Variants in AMPD3 observed in about 807,000 individuals in gnomAD.
The protein encoded by AMPD3 is AMP deaminase 3.
A neutral mutation model predicts 82.3 loss-of-function variants in AMPD3; 57 were observed. The ratio of observed to expected loss-of-function variants is 0.69; its 90% CI spans 0.56 to 0.86. The LOEUF is 0.86. AMPD3 is among the 40% of genes least tolerant of loss of function. AMPD3 has a pLI of 0.00. For synonymous variants in AMPD3, 381 were observed against 394.7 expected (o/e 0.97, Z 0.41); for missense variants, 870 against 1,003.8 (o/e 0.87, Z 1.80).
intron 1 of AMPD3, among the ~76,000 whole-genome samples, chr11:10,457,087 C>T (rs1848117995): frequency 6.6e-6 from 1 of 150,944 alleles, no homozygotes; most frequent in African/African-American, 2.4e-5. Context: ...GAGCAATTCT[C>T]CCAACTCAGC....
intron 1 of AMPD3, chr11:10,461,238 A>G: frequency 8.3e-6 from 11 of 1,321,814 alleles, no homozygotes; most frequent in Non-Finnish European, 1.1e-5. Flanking sequence ...AGATTCCCTG[A>G]GTTTGGGAAA....
At chr11:10,492,708 C>A (rs554866751) in intron 6 of AMPD3, among the ~76,000 whole-genome samples, 54 of 152,298 alleles carry the variant, frequency 3.5e-4, no homozygotes, top group African/African-American at 1.3e-3. Flanking sequence ...CGTAGACACA[C>A]AAACGTTAGA....
intron 1 of AMPD3, chr11:10,461,124 C>A: frequency 1.7e-6 from 2 of 1,193,208 alleles, no homozygotes; most frequent in South Asian, 1.6e-5. Context: ...ATTGTTGCAG[C>A]TATAACAGTA....
At chr11:10,464,498 C>T (rs189531347) in intron 2 of AMPD3, among the ~76,000 whole-genome samples, 29 of 152,298 alleles carry the variant, frequency 1.9e-4, no homozygotes, top group Admixed American at 1.6e-3. Flanking sequence ...CTTCGGTTCC[C>T]TGGTCTGTAG....
chr11:10,499,028 G>C (rs16907917), intron 10 of AMPD3, among the ~76,000 whole-genome samples: 14,817 of 133,426 alleles, frequency 0.11, 857 homozygotes, highest in South Asian at 0.28. Flanking sequence ...CCATCTCAGA[G>C]GGCAGCTCCC....
At chr11:10,462,824 G>A (rs78871708) in intron 2 of AMPD3, among the ~76,000 whole-genome samples, 2,404 of 152,310 alleles carry the variant, frequency 0.016, 71 homozygotes, top group African/African-American at 0.051. Flanking sequence ...ATGCTTCAGG[G>A]TATAAAGAAG....
At chr11:10,502,057 T>C in intron 12 of AMPD3, 1 of 985,426 alleles carries the variant, frequency 1.0e-6, no homozygotes, top group South Asian at 4.7e-5. Flanking sequence ...CAGTCCACAC[T>C]AGTTGGGCAC....
intron 2 of AMPD3, among the ~76,000 whole-genome samples, chr11:10,464,389 G>A (rs1395754397): frequency 1.3e-5 from 2 of 152,208 alleles, no homozygotes; most frequent in African/African-American, 4.8e-5. Flanking sequence ...AAGACACATA[G>A]TGAGTAAATG....
At chr11:10,491,027 G>T (rs1011731539) in intron 6 of AMPD3, among the ~76,000 whole-genome samples, 5 of 152,222 alleles carry the variant, frequency 3.3e-5, no homozygotes, top group African/African-American at 1.2e-4. Flanking sequence ...TGCTCACAGA[G>T]GTCCAGTGGA....
At chr11:10,477,952 T>A (rs1041574702) in intron 2 of AMPD3, 1 of 985,470 alleles carries the variant, frequency 1.0e-6, no homozygotes, top group East Asian at 1.1e-4. Flanking sequence ...TCCTGAGCAC[T>A]GTCTCGACTC....
chr11:10,482,636 C>T (rs1384604187), intron 4 of AMPD3, among the ~76,000 whole-genome samples: 1 of 152,002 alleles, frequency 6.6e-6, no homozygotes, highest in Non-Finnish European at 1.5e-5. Context: ...CTCAGCCTCT[C>T]AAGTAGCTGG....
At chr11:10,467,494 G>C (rs1848454763) in intron 2 of AMPD3, among the ~76,000 whole-genome samples, 1 of 152,098 alleles carries the variant, frequency 6.6e-6, no homozygotes, top group African/African-American at 2.4e-5. Context: ...AATGAACAAA[G>C]CCTCCAAGAA....
At position 10,487,284 on chromosome 11, in the gene AMPD3, C is replaced by T. The variant is rs749008541; in HGVS notation, c.859C>T (p.Leu287Phe). Reference sequence around the variant, plus strand: ...GAACTTTCTGGAATCCAAGTTCAGCCTTCATGAGATGTTAAACGAAATGTC... The same window carrying T: ...GAACTTTCTGGAATCCAAGTTCAGCTTTCATGAGATGTTAAACGAAATGTC... ...RLNFLESKFS[L>F]HEMLNEMSEF... Residue 287 changes from leucine (L) to phenylalanine (F), a missense_variant, in exon 6 of 15, where the codon CTT (leucine) becomes TTT (phenylalanine). Physicochemically the swap from Leu to Phe is conservative, Grantham distance 22. Transcript: ENST00000396553. 3 of 1,614,178 alleles carry T rather than the reference C, an allele frequency of 1.9e-6. No homozygotes were observed. Among genetic ancestry groups the T allele is most frequent in the Non-Finnish European group, 2.5e-6 (3 of 1,180,038 alleles).
At chr11:10,505,243 TG>T (rs1343844237) in intron 14 of AMPD3, 44 of 985,270 alleles carry the variant, frequency 4.5e-5, no homozygotes, top group Non-Finnish European at 5.3e-5. Context: ...TGTCACTGGT[TG>T]GGAAGAGGTT....
intron 1 of AMPD3, among the ~76,000 whole-genome samples, chr11:10,457,239 A>T (rs561740382): frequency 2.3e-4 from 35 of 151,790 alleles, no homozygotes; most frequent in African/African-American, 8.0e-4. Flanking sequence ...CAGCCTCCCA[A>T]ATTGCTTGGA....
At chr11:10,488,863 G>A (rs1849157789) in intron 6 of AMPD3, among the ~76,000 whole-genome samples, 2 of 152,132 alleles carry the variant, frequency 1.3e-5, no homozygotes, top group African/African-American at 4.8e-5. Context: ...GCTCCTCTGG[G>A]AAAGCCCAGC....
chr11:10,497,481 C>T (rs1446673873), intron 10 of AMPD3: 1 of 764,304 alleles, frequency 1.3e-6, no homozygotes. Flanking sequence ...GGGAGCCGGT[C>T]CCACCCTCCG....
At position 10,493,475 on chromosome 11, in the gene AMPD3, C is replaced by T. The variant is rs149809940; in HGVS notation, c.1066C>T (p.Arg356Trp). The change falls in exon 7 of 15, where the codon CGG (arginine) becomes TGG (tryptophan). Residue 356 changes from arginine (R) to tryptophan (W), a missense_variant. Transcript: ENST00000396553. The part of the protein sequence containing the change: ...AEKRGRKITL[R>W]QVFDGLHMDP... The stretch of plus-strand genomic sequence containing the variant: ...GAAGCGGGGCCGGAAGATCACCCTG[C>T]GGCAGGTGTTTGACGGCCTGCACAT... The T allele has an allele frequency of 1.8e-4, 292 of 1,614,182 alleles. No individual in the cohort carries two copies. Among genetic ancestry groups the T allele is most frequent in the Middle Eastern group, 6.6e-4 (4 of 6,062 alleles).
At position 10,487,137 on chromosome 11, in the gene AMPD3, C is replaced by T. The variant is rs775741173; in HGVS notation, c.810-98C>T. On this transcript the variant is annotated intron_variant, in intron 5 of 14. Coordinates refer to ENST00000396553, the MANE Select transcript of AMPD3 (RefSeq NM_001025389.2). ...TCATTCCGCCCTGCTCCGTCCTGAC[C>T]CTTCCAGCCAGGGTTGGCCCCTGCA... 4.3e-5 allele frequency: 69 copies of T among 1,595,648 alleles called. No homozygotes were observed. In the Middle Eastern group the frequency reaches 6.8e-4, roughly 16 times the overall value.
Sources: allele counts gnomAD v4.1 joint callset (sites outside exome capture counted in the v4.1 genomes callset), GRCh38; gene constraint gnomAD v4.1.1; transcripts MANE v1.5; gene names NCBI Gene and HGNC (gene_info 2026-07-23, HGNC 2026-07-21).